SLC14A2: variants seen among roughly 807,000 people sequenced by gnomAD.
SLC14A2 encodes the protein urea transporter 2.
SLC14A2 carries 91 observed loss-of-function variants against 104.6 expected under a neutral mutation model. That is an observed-to-expected ratio of 0.87 (90% CI 0.73 to 1.04). SLC14A2 has a LOEUF of 1.04. Ranked by LOEUF, SLC14A2 falls within the 50% of genes least tolerant of loss-of-function variation. SLC14A2 has a pLI of 0.00. For synonymous variants in SLC14A2, 476 were observed against 466.4 expected, an observed-to-expected ratio of 1.02 and a Z score of -0.27; for missense variants, 1,189 against 1,156.0, an observed-to-expected ratio of 1.03 and a Z score of -0.41.
At chr18:45,296,059 G>T (rs1351919875) in intron 1 of SLC14A2, among the ~76,000 whole-genome samples, 3 of 152,140 alleles carry the variant, frequency 2.0e-5, no homozygotes. Flanking sequence ...TTTGTCAGAG[G>T]CAGGTTTGGA....
the SLC14A2 span, among the ~76,000 whole-genome samples, chr18:45,172,233 C>T: frequency 2.6e-5 from 4 of 152,138 alleles, no homozygotes; most frequent in African/African-American, 9.7e-5. Flanking sequence ...CCAATACATT[C>T]AACCATCATC....
intron 1 of SLC14A2, among the ~76,000 whole-genome samples, chr18:45,615,795 A>ATGTGTGTATGTGTAGGGGTGTATG (rs1219585128): frequency 3.8e-4 from 56 of 149,088 alleles, no homozygotes; most frequent in African/African-American, 1.3e-3. Context: ...GTATGTGTGC[A>ATGTGTGTATGTGTAGGGGTGTATG]TGTGTGTATG....
upstream of SLC14A2, among the ~76,000 whole-genome samples, chr18:45,613,563 A>G (rs2045008689): frequency 6.6e-6 from 1 of 152,220 alleles, no homozygotes; most frequent in African/African-American, 2.4e-5. Context: ...TGAACAGTGA[A>G]GTCCAGGCAG....
intron 1 of SLC14A2, among the ~76,000 whole-genome samples, chr18:45,248,777 G>C (rs2084392280): frequency 6.6e-6 from 1 of 152,188 alleles, no homozygotes. Context: ...TTTTGAAATG[G>C]AGCCACAGAA....
intron 1 of SLC14A2, among the ~76,000 whole-genome samples, chr18:45,329,141 G>A (rs1172051436): frequency 6.6e-6 from 1 of 152,198 alleles, no homozygotes; most frequent in African/African-American, 2.4e-5. Context: ...TGTTTATTTT[G>A]TTACGGTTAT....
chr18:45,648,355 G>A (rs991089001), intron 10 of SLC14A2, among the ~76,000 whole-genome samples: 4 of 151,784 alleles, frequency 2.6e-5, no homozygotes, highest in East Asian at 1.9e-4. Flanking sequence ...ACAGGCACCC[G>A]CCACCACGAC....
intron 1 of SLC14A2, among the ~76,000 whole-genome samples, chr18:45,352,825 A>G (rs2085516326): frequency 6.6e-6 from 1 of 152,176 alleles, no homozygotes; most frequent in African/African-American, 2.4e-5. Flanking sequence ...GAGGGTCAAG[A>G]GATAAGGAGA....
intron 1 of SLC14A2, among the ~76,000 whole-genome samples, chr18:45,373,353 C>T (rs1380061932): frequency 6.6e-6 from 1 of 152,176 alleles, no homozygotes. Flanking sequence ...AGCTGACTTC[C>T]AAGCTTCTTT....
At chr18:45,512,324 G>C (rs1216790257) in intron 2 of SLC14A2, among the ~76,000 whole-genome samples, 1 of 151,864 alleles carries the variant, frequency 6.6e-6, no homozygotes, top group African/African-American at 2.4e-5. Context: ...GGAAGGAGTG[G>C]AGAAAAAAAA....
intron 1 of SLC14A2, among the ~76,000 whole-genome samples, chr18:45,357,650 G>T (rs909173375): frequency 2.0e-5 from 3 of 152,100 alleles, no homozygotes; most frequent in South Asian, 2.1e-4. Flanking sequence ...GTGTGGGTCT[G>T]CAGGGTGTGG....
intron 1 of SLC14A2, among the ~76,000 whole-genome samples, chr18:45,349,129 T>G (rs1331041411): frequency 6.6e-6 from 1 of 152,252 alleles, no homozygotes; most frequent in Non-Finnish European, 1.5e-5. Flanking sequence ...TTTCGCTTTC[T>G]TGTTCATAAA....
chr18:45,491,652 C>T (rs2043002983), intron 2 of SLC14A2, among the ~76,000 whole-genome samples: 1 of 152,138 alleles, frequency 6.6e-6, no homozygotes. Context: ...GGAAAAAGCT[C>T]CTCACCAGCA....
At chr18:45,404,368 C>T (rs908216931) in intron 1 of SLC14A2, among the ~76,000 whole-genome samples, 6 of 152,168 alleles carry the variant, frequency 3.9e-5, no homozygotes, top group Non-Finnish European at 2.9e-5. Flanking sequence ...GCAGTACCCA[C>T]CTGTGTAAGA....
chr18:45,335,119 C>A (rs1326039631), intron 1 of SLC14A2, among the ~76,000 whole-genome samples: 1 of 152,032 alleles, frequency 6.6e-6, no homozygotes, highest in Non-Finnish European at 1.5e-5. Context: ...TATCTATCTT[C>A]CCCCCAAATT....
chr18:45,547,578 G>C (rs1251032531), intron 2 of SLC14A2, among the ~76,000 whole-genome samples: 1 of 152,222 alleles, frequency 6.6e-6, no homozygotes, highest in African/African-American at 2.4e-5. Flanking sequence ...CCTGGGAACT[G>C]TATCTGAGTC....
At chr18:45,383,636 G>T (rs1365845996) in intron 1 of SLC14A2, among the ~76,000 whole-genome samples, 1 of 152,038 alleles carries the variant, frequency 6.6e-6, no homozygotes, top group African/African-American at 2.4e-5. Context: ...TGTCTCCTGG[G>T]GTTCCCCTCA....
intron 19 of SLC14A2, among the ~76,000 whole-genome samples, chr18:45,679,844 G>T (rs932261087): frequency 1.3e-5 from 2 of 152,134 alleles, no homozygotes; most frequent in African/African-American, 2.4e-5. Context: ...TCTCTTTTCT[G>T]GGCTTCATTG....
intron 2 of SLC14A2, among the ~76,000 whole-genome samples, chr18:45,578,186 T>C (rs1175098091): frequency 6.6e-6 from 1 of 152,198 alleles, no homozygotes; most frequent in African/African-American, 2.4e-5. Context: ...CAGGAGCCCC[T>C]TTCTGACATC....
chr18:45,302,985 T>C (rs1599658239), intron 1 of SLC14A2, among the ~76,000 whole-genome samples: 1 of 151,740 alleles, frequency 6.6e-6, no homozygotes, highest in South Asian at 2.1e-4. Context: ...GGGTCTTAGG[T>C]TGTGGTTGAT....
Sources: gnomAD v4.1 joint callset for allele counts (sites outside exome capture counted in the v4.1 genomes callset) on GRCh38, gnomAD v4.1.1 for gene constraint, MANE v1.5 for transcripts, NCBI Gene and HGNC (gene_info 2026-07-23, HGNC 2026-07-21) for gene names.